BTRC: variants seen among roughly 807,000 people sequenced by gnomAD.
BTRC encodes F-box/WD repeat-containing protein 1A.
BTRC carries 42 observed loss-of-function variants against 85.5 expected under a neutral mutation model. That is an observed-to-expected ratio of 0.49 (90% CI 0.38 to 0.64). The LOEUF (loss-of-function observed/expected upper bound fraction) is 0.64, where lower values mean the gene tolerates loss of function less well. Among genes scored for constraint, BTRC ranks in the 30% least tolerant of loss-of-function variants. The pLI, the probability that BTRC is intolerant of heterozygous loss-of-function variation, is 0.00. For missense variants in BTRC, 594 were observed against 743.5 expected, an observed-to-expected ratio of 0.80 and a Z score of 2.34; for synonymous variants, 255 against 263.3, an observed-to-expected ratio of 0.97 and a Z score of 0.30.
chr10:101,428,122 G>A (rs1944309007), intron 1 of BTRC, among the ~76,000 whole-genome samples: 1 of 152,142 alleles, frequency 6.6e-6, no homozygotes, highest in African/African-American at 2.4e-5. Flanking sequence ...AGGAGATATT[G>A]ATGTAAATGG....
chr10:101,420,294 C>T (rs562199189), intron 1 of BTRC, among the ~76,000 whole-genome samples: 1 of 151,622 alleles, frequency 6.6e-6, no homozygotes, highest in South Asian at 2.1e-4. Flanking sequence ...CTGTATAATC[C>T]ATCTCCTGTT....
At chr10:101,496,759 C>T (rs537941690) in intron 4 of BTRC, among the ~76,000 whole-genome samples, 34 of 151,994 alleles carry the variant, frequency 2.2e-4, no homozygotes, top group Admixed American at 7.9e-4. Context: ...TCTTGTTCAA[C>T]GCATTTGCCC....
At chr10:101,487,293 A>G (rs1390209071) in intron 4 of BTRC, among the ~76,000 whole-genome samples, 2 of 152,204 alleles carry the variant, frequency 1.3e-5, no homozygotes, top group African/African-American at 4.8e-5. Context: ...CCATTTCTTC[A>G]TTGCTATATA....
chr10:101,424,507 G>A (rs1944196461), intron 1 of BTRC, among the ~76,000 whole-genome samples: 1 of 152,206 alleles, frequency 6.6e-6, no homozygotes, highest in Non-Finnish European at 1.5e-5. Flanking sequence ...TCTCAGTACA[G>A]CAATCTTTTT....
rs753639521 is a variant in BTRC, at chr10:101,404,002, G to GTA, written c.49-26315_49-26314dup. Among the ~76,000 whole-genome samples, 411 of 61,734 alleles carry GTA rather than the reference G, an allele frequency of 6.7e-3. 20 individuals carry two copies. Among genetic ancestry groups the GTA allele is most frequent in the African/African-American group, 0.013 (187 of 13,918 alleles). The allele number at this position is 61,734 out of a possible 152,430, so 40.5% of individuals were successfully genotyped here. ...CCTATCTATGTGTATGTGTGTGTGT[G>GTA]TATATATATATATATATATATATAT... On this transcript the variant is annotated intron_variant, in intron 1 of 14. Transcript: ENST00000370187.
chr10:101,532,510 C>T, intron 8 of BTRC, 78 bp downstream of exon 8: 5 of 1,428,964 alleles, frequency 3.5e-6, no homozygotes, highest in Non-Finnish European at 4.6e-6. Flanking sequence ...AAAGCATAAA[C>T]TCTAAGCATT....
chr10:101,543,128 T>C (rs2062495509), intron 13 of BTRC, among the ~76,000 whole-genome samples: 1 of 152,186 alleles, frequency 6.6e-6, no homozygotes, highest in Non-Finnish European at 1.5e-5. Context: ...TCCACACACC[T>C]CGGCCTCCCA....
intron 3 of BTRC, among the ~76,000 whole-genome samples, chr10:101,463,054 T>TC (rs1234011556): frequency 2.7e-5 from 4 of 150,454 alleles, no homozygotes; most frequent in Non-Finnish European, 5.9e-5. Flanking sequence ...TTTGGGGTTT[T>TC]TTTTTTTTTG....
Position 101,356,288 on chromosome 10 carries a change from A to C in BTRC, c.48+2060A>C, listed in dbSNP as rs373440405. On this transcript the variant is annotated intron_variant, in intron 1 of 14. Transcript: ENST00000370187. Reference sequence around the variant, plus strand: ...TGCTGGGATTTCAGGTGTGAGCCACAGCGCCCAGCAGAGGGTTGACTCTTA... The same window carrying C: ...TGCTGGGATTTCAGGTGTGAGCCACCGCGCCCAGCAGAGGGTTGACTCTTA... 6.6e-4 allele frequency among the ~76,000 whole-genome samples: 101 copies of C among 152,200 alleles called. 2 individuals carry two copies. The highest frequency in any genetic ancestry group is 2.4e-3 in the African/African-American group (99 of 41,532).
intron 4 of BTRC, among the ~76,000 whole-genome samples, chr10:101,519,793 C>T (rs147402698): frequency 0.014 from 2,201 of 152,192 alleles, 48 homozygotes; most frequent in African/African-American, 0.051. Flanking sequence ...GTTGGGAGTT[C>T]GAGAACAGCC....
At chr10:101,472,858 T>A (rs536108894) in intron 3 of BTRC, among the ~76,000 whole-genome samples, 1 of 152,338 alleles carries the variant, frequency 6.6e-6, no homozygotes, top group East Asian at 1.9e-4. Flanking sequence ...CATCCCCTTT[T>A]TCCTTGGCTC....
chr10:101,413,720 T>C (rs1458016451), intron 1 of BTRC, among the ~76,000 whole-genome samples: 1 of 152,234 alleles, frequency 6.6e-6, no homozygotes, highest in Admixed American at 6.5e-5. Flanking sequence ...TTTCACAAAA[T>C]TGAAAGTACA....
chr10:101,548,224 G>C (rs2062588480), intron 13 of BTRC, among the ~76,000 whole-genome samples: 1 of 152,150 alleles, frequency 6.6e-6, no homozygotes, highest in African/African-American at 2.4e-5. Flanking sequence ...GGCCCAGCAA[G>C]TCTACTCCTA....
At chr10:101,521,574 A>C in intron 4 of BTRC, 65 bp from the exon 5 acceptor site, 1 of 1,177,842 alleles carries the variant, frequency 8.5e-7, no homozygotes, top group Non-Finnish European at 1.2e-6. Context: ...ATACCAGAAA[A>C]TCATATATAT....
intron 1 of BTRC, among the ~76,000 whole-genome samples, chr10:101,365,300 G>A (rs566887283): frequency 2.2e-4 from 33 of 147,408 alleles, no homozygotes; most frequent in African/African-American, 7.0e-4. Context: ...CTTGAACTCC[G>A]GATCTCAGGT....
At chr10:101,379,425 T>C (rs1942873460) in intron 1 of BTRC, among the ~76,000 whole-genome samples, 1 of 152,214 alleles carries the variant, frequency 6.6e-6, no homozygotes, top group Non-Finnish European at 1.5e-5. Flanking sequence ...GAATTAGACG[T>C]GATTTATCTC....
intron 8 of BTRC, 33 bp from the exon 9 acceptor site, chr10:101,532,919 C>T: frequency 6.6e-7 from 1 of 1,523,312 alleles, no homozygotes; most frequent in South Asian, 1.1e-5. Context: ...CCCATCATCA[C>T]ATTGATCAAA....
chr10:101,362,572 T>G (rs1942242860), intron 1 of BTRC, among the ~76,000 whole-genome samples: 1 of 151,978 alleles, frequency 6.6e-6, no homozygotes, highest in Non-Finnish European at 1.5e-5. Context: ...ATTTTGTATT[T>G]TTAGTAGAGA....
intron 14 of BTRC, 75 bp downstream of exon 14, chr10:101,550,966 G>A: frequency 7.3e-7 from 1 of 1,369,676 alleles, no homozygotes; most frequent in Non-Finnish European, 9.9e-7. Context: ...GCTAGTTCAT[G>A]GAACTTTCTC....
Sources: gnomAD v4.1 joint callset for allele counts (sites outside exome capture counted in the v4.1 genomes callset) on GRCh38, gnomAD v4.1.1 for gene constraint, MANE v1.5 for transcripts, NCBI Gene and HGNC (gene_info 2026-07-23, HGNC 2026-07-21) for gene names.